ADAMTS16: variants seen among roughly 807,000 people sequenced by gnomAD.
ADAMTS16 encodes A disintegrin and metalloproteinase with thrombospondin motifs 16.
Under a neutral mutation model 145.8 loss-of-function variants are expected in ADAMTS16, and 94 were observed. The ratio of observed to expected loss-of-function variants is 0.64; its 90% CI spans 0.55 to 0.77. The LOEUF is 0.77. ADAMTS16 is among the 30% of genes least tolerant of loss of function. ADAMTS16 has a pLI of 0.00. For missense variants in ADAMTS16, 1,585 were observed against 1,591.5 expected, an observed-to-expected ratio of 1.00 and a Z score of 0.07; for synonymous variants, 659 against 604.3, an observed-to-expected ratio of 1.09 and a Z score of -1.33.
intron 3 of ADAMTS16, among the ~76,000 whole-genome samples, chr5:5,168,352 CATTATTATT>C (rs70965930): frequency 7.9e-5 from 11 of 139,804 alleles, no homozygotes; most frequent in Non-Finnish European, 1.2e-4. Context: ...TTATCCGAAA[CATTATTATT>C]ATTATTATTA....
At chr5:5,225,422 G>T (rs2126353690) in intron 11 of ADAMTS16, among the ~76,000 whole-genome samples, 1 of 152,260 alleles carries the variant, frequency 6.6e-6, no homozygotes, top group South Asian at 2.1e-4. Flanking sequence ...GGCCAACACG[G>T]TGAAACCCTG....
chr5:5,295,660 G>A (rs1465939104), intron 18 of ADAMTS16, among the ~76,000 whole-genome samples: 3 of 152,232 alleles, frequency 2.0e-5, no homozygotes, highest in African/African-American at 7.2e-5. Context: ...AACAAGGCTG[G>A]AAGTAAACCA....
chr5:5,218,957 T>C (rs961452160), intron 10 of ADAMTS16, among the ~76,000 whole-genome samples: 3 of 152,184 alleles, frequency 2.0e-5, no homozygotes, highest in African/African-American at 7.2e-5. Context: ...CCACTGTGTG[T>C]GCCCATTAAG....
At chr5:5,196,571 A>G (rs1404282263) in intron 8 of ADAMTS16, among the ~76,000 whole-genome samples, 1 of 152,160 alleles carries the variant, frequency 6.6e-6, no homozygotes, top group Non-Finnish European at 1.5e-5. Flanking sequence ...ATTTGTTGTC[A>G]TTCCTCTTAG....
intron 8 of ADAMTS16, 24 bp downstream of exon 8, chr5:5,191,814 T>C: frequency 1.3e-6 from 2 of 1,563,584 alleles, no homozygotes; most frequent in Non-Finnish European, 1.7e-6. Flanking sequence ...CATGGGAGGA[T>C]GGCATCCCGA....
At chr5:5,262,199 C>A (rs769442862) in intron 17 of ADAMTS16, among the ~76,000 whole-genome samples, 5 of 152,148 alleles carry the variant, frequency 3.3e-5, no homozygotes, top group Non-Finnish European at 7.3e-5. Context: ...TCTCTGGTGA[C>A]AAACTGCTTG....
intron 18 of ADAMTS16, among the ~76,000 whole-genome samples, chr5:5,268,020 G>A (rs998356291): frequency 6.6e-6 from 1 of 152,186 alleles, no homozygotes; most frequent in Non-Finnish European, 1.5e-5. Context: ...CAGGCTTGCG[G>A]TGTGGCCTTG....
chr5:5,223,184 A>G, intron 11 of ADAMTS16: 1 of 381,566 alleles, frequency 2.6e-6, no homozygotes, highest in Non-Finnish European at 4.9e-6. Flanking sequence ...ACCACCATTT[A>G]TCATGGAAAG....
chr5:5,262,806 A>G (rs763232059), intron 18 of ADAMTS16, 23 bp downstream of exon 18: 17 of 1,611,358 alleles, frequency 1.1e-5, no homozygotes, highest in Non-Finnish European at 1.3e-5. Context: ...GCGTTCATCA[A>G]AGCAGGTTTC....
At chr5:5,146,085 G>A (rs756091769) in intron 2 of ADAMTS16, 45 bp from the exon 3 acceptor site, 9 of 1,516,740 alleles carry the variant, frequency 5.9e-6, no homozygotes, top group African/African-American at 2.8e-5. Flanking sequence ...GATTCTTCTC[G>A]GAATTCCGAA....
At chr5:5,224,975 T>C (rs1736717416) in intron 11 of ADAMTS16, among the ~76,000 whole-genome samples, 1 of 152,160 alleles carries the variant, frequency 6.6e-6, no homozygotes, top group South Asian at 2.1e-4. Context: ...TCCATTGATA[T>C]TTGACATTAT....
chr5:5,214,446 C>T (rs1336968032), intron 10 of ADAMTS16, among the ~76,000 whole-genome samples: 1 of 152,070 alleles, frequency 6.6e-6, no homozygotes, highest in Admixed American at 6.6e-5. Context: ...TGCTCTATCG[C>T]CCAGGTTGGA....
At position 5,278,422 on chromosome 5, in the gene ADAMTS16, G is replaced by A. The variant is rs368382846; in HGVS notation, c.2789+15639G>A. On this transcript the variant is annotated intron_variant, in intron 18 of 22. Coordinates refer to ENST00000274181, the MANE Select transcript of ADAMTS16 (RefSeq NM_139056.4). ...CTTACCACCAAATTCGTGTCCCTCCGTCCTGCTTATGTGATTAGAGCCCAT... is the reference window on the plus strand; with the variant it reads ...CTTACCACCAAATTCGTGTCCCTCCATCCTGCTTATGTGATTAGAGCCCAT... 5.3e-5 allele frequency among the ~76,000 whole-genome samples: 8 copies of A among 152,022 alleles called. No homozygotes were observed. In the East Asian group the frequency reaches 9.7e-4, roughly 18 times the overall value.
chr5:5,291,741 T>C (rs1739329929), intron 18 of ADAMTS16, among the ~76,000 whole-genome samples: 1 of 147,890 alleles, frequency 6.8e-6, no homozygotes, highest in Non-Finnish European at 1.5e-5. Flanking sequence ...AGGGCAAGAC[T>C]TCACAAAGAA....
chr5:5,193,060 T>A (rs997413216), intron 8 of ADAMTS16, among the ~76,000 whole-genome samples: 1 of 152,136 alleles, frequency 6.6e-6, no homozygotes, highest in Non-Finnish European at 1.5e-5. Context: ...CCAAGGCAAG[T>A]GTTTGTGATT....
intron 13 of ADAMTS16, among the ~76,000 whole-genome samples, chr5:5,235,821 G>GC (rs112917848): frequency 0.14 from 20,803 of 152,072 alleles, 2,327 homozygotes; most frequent in African/African-American, 0.31. Context: ...TGGGAACATT[G>GC]CCCGAAAAAA....
At chr5:5,190,273 T>C (rs1735627281) in intron 7 of ADAMTS16, 143 bp downstream of exon 7, 2 of 825,624 alleles carry the variant, frequency 2.4e-6, no homozygotes, top group African/African-American at 1.8e-5. Flanking sequence ...CACTTCCCTG[T>C]ATAAACTTTA....
intron 12 of ADAMTS16, 125 bp downstream of exon 12, chr5:5,232,641 TCAC>T: frequency 8.0e-7 from 1 of 1,245,168 alleles, no homozygotes; most frequent in African/African-American, 1.6e-5. Flanking sequence ...TCTCGCTCTG[TCAC>T]CCAGGCTGGA....
intron 3 of ADAMTS16, among the ~76,000 whole-genome samples, chr5:5,160,849 C>G (rs1044950788): frequency 6.6e-6 from 1 of 151,846 alleles, no homozygotes; most frequent in Non-Finnish European, 1.5e-5. Flanking sequence ...GCTTTTAGTC[C>G]CACCAGAGAG....
Sources: gnomAD v4.1 joint callset for allele counts (sites outside exome capture counted in the v4.1 genomes callset) on GRCh38, gnomAD v4.1.1 for gene constraint, MANE v1.5 for transcripts, NCBI Gene and HGNC (gene_info 2026-07-23, HGNC 2026-07-21) for gene names.